CLIP4: variants seen among roughly 807,000 people sequenced by gnomAD.
The protein encoded by CLIP4 is CAP-Gly domain-containing linker protein 4.
CLIP4 carries 47 observed loss-of-function variants against 73.1 expected under a neutral mutation model. The ratio of observed to expected loss-of-function variants is 0.64; its 90% CI spans 0.51 to 0.82. The LOEUF is 0.82. CLIP4 is among the 40% of genes least tolerant of loss of function. The pLI is 0.00. For missense variants in CLIP4, 874 were observed against 852.9 expected, an observed-to-expected ratio of 1.02 and a Z score of -0.31; for synonymous variants, 306 against 295.4, an observed-to-expected ratio of 1.04 and a Z score of -0.37.
At position 29,120,604 on chromosome 2, in the gene CLIP4, C is replaced by T. The variant is rs541358784; in HGVS notation, c.-15-770C>T. 3.9e-5 allele frequency among the ~76,000 whole-genome samples: 6 copies of T among 152,208 alleles called. No homozygotes were observed. The South Asian group carries it at 8.3e-4, about 21-fold the overall frequency. Reference sequence around the variant, plus strand: ...TCATGATACTTCAGATAGTAAAGATCGGATACAAAAGAAACTGGAAGGCTT... The same window carrying T: ...TCATGATACTTCAGATAGTAAAGATTGGATACAAAAGAAACTGGAAGGCTT... On this transcript the variant is annotated intron_variant, in intron 1 of 15. Coordinates refer to ENST00000320081, the MANE Select transcript of CLIP4 (RefSeq NM_024692.6).
At chr2:29,162,476 C>G (rs1323041555) in intron 12 of CLIP4, among the ~76,000 whole-genome samples, 3 of 152,294 alleles carry the variant, frequency 2.0e-5, no homozygotes, top group Non-Finnish European at 2.9e-5. Flanking sequence ...CATACCACAC[C>G]ACTGCCAAAG....
intron 13 of CLIP4, among the ~76,000 whole-genome samples, chr2:29,167,182 AT>A (rs1295434143): frequency 6.6e-6 from 1 of 152,184 alleles, no homozygotes; most frequent in Non-Finnish European, 1.5e-5. Context: ...TTATTTTCAT[AT>A]TTTTTAGTTT....
chr2:29,151,801 TAGCC>T lies in CLIP4; in HGVS notation c.1022-881_1022-878del, dbSNP rs372477156. On this transcript the variant is annotated intron_variant, in intron 8 of 15. Coordinates refer to ENST00000320081, the MANE Select transcript of CLIP4 (RefSeq NM_024692.6). ...CTTTATTTTCACTTTTTAAATATCT[TAGCC>T]AGATTATTTCGGTATTTATAGTCTG... Among the ~76,000 whole-genome samples, 826 of 152,324 alleles carry T rather than the reference TAGCC, an allele frequency of 5.4e-3. 6 individuals are homozygous for T. The highest frequency in any genetic ancestry group is 0.014 in the South Asian group (68 of 4,818).
At chr2:29,121,656 A>G (rs1664256082) in intron 2 of CLIP4, 135 bp downstream of exon 2, 2 of 969,940 alleles carry the variant, frequency 2.1e-6, no homozygotes, top group African/African-American at 1.7e-5. Context: ...CCTTTTTCAA[A>G]AATACAATTG....
At chr2:29,138,650 G>A (rs1169691894) in intron 6 of CLIP4, among the ~76,000 whole-genome samples, 1 of 151,998 alleles carries the variant, frequency 6.6e-6, no homozygotes, top group Non-Finnish European at 1.5e-5. Flanking sequence ...AGCATGGAGT[G>A]TTTTTCCATT....
At chr2:29,171,571 T>G (rs547711643) in intron 14 of CLIP4, among the ~76,000 whole-genome samples, 1 of 150,634 alleles carries the variant, frequency 6.6e-6, no homozygotes, top group East Asian at 1.9e-4. Flanking sequence ...CAGGCTGGAG[T>G]GCAGTGGCAC....
rs1358192833 is a variant in CLIP4, at chr2:29,181,856, G to C, written c.2081G>C (p.Gly694Ala). ...LVRPSRVTYR[G>A]INGSKLVDEN... The stretch of plus-strand genomic sequence containing the variant: ...CGACCGAGCAGAGTGACCTATCGGG[G>C]AATTAATGGGTCAAAACTTGTGGAT... The change falls in exon 16 of 16, where the codon GGA (glycine) becomes GCA (alanine). Residue 694 changes from glycine (G) to alanine (A), a missense_variant. Coordinates refer to ENST00000320081, the MANE Select transcript of CLIP4 (RefSeq NM_024692.6). The C allele has an allele frequency of 6.2e-7, 1 of 1,613,016 alleles. No homozygotes were observed. The highest frequency in any genetic ancestry group is 2.2e-5 in the East Asian group (1 of 44,856).
At chr2:29,165,329 T>C (rs1433853682) in intron 13 of CLIP4, among the ~76,000 whole-genome samples, 1 of 152,130 alleles carries the variant, frequency 6.6e-6, no homozygotes, top group Non-Finnish European at 1.5e-5. Context: ...TGCTTATACA[T>C]GCTGGGGTCT....
intron 14 of CLIP4, among the ~76,000 whole-genome samples, chr2:29,169,329 C>CTGTGTGTG (rs70958249): frequency 1.4e-5 from 2 of 140,322 alleles, no homozygotes; most frequent in African/African-American, 5.3e-5. Flanking sequence ...GTCTTTTTCA[C>CTGTGTGTG]TGTGTGTGTG....
chr2:29,130,243 C>G, intron 2 of CLIP4, among the ~76,000 whole-genome samples: 1 of 152,072 alleles, frequency 6.6e-6, no homozygotes, highest in Non-Finnish European at 1.5e-5. Context: ...CTTCTGACAT[C>G]AAAAACTGTC....
intron 6 of CLIP4, among the ~76,000 whole-genome samples, chr2:29,142,299 A>G (rs1042145514): frequency 3.3e-5 from 5 of 151,084 alleles, no homozygotes; most frequent in African/African-American, 1.2e-4. Context: ...TATTCTTACT[A>G]TTATTTAGGT....
At chr2:29,177,880 C>G (rs1315440413) in intron 15 of CLIP4, among the ~76,000 whole-genome samples, 3 of 152,194 alleles carry the variant, frequency 2.0e-5, no homozygotes, top group African/African-American at 4.8e-5. Flanking sequence ...CTCAAACATA[C>G]CATAATTCTA....
intron 3 of CLIP4, 153 bp from the exon 4 acceptor site, chr2:29,131,997 TAA>T (rs1665003114): frequency 1.5e-5 from 8 of 542,506 alleles, no homozygotes; most frequent in Middle Eastern, 4.7e-4. Flanking sequence ...AGTACAGATT[TAA>T]AAATTTACCC....
intron 6 of CLIP4, among the ~76,000 whole-genome samples, chr2:29,142,241 A>G (rs1360858387): frequency 1.3e-5 from 2 of 152,026 alleles, no homozygotes; most frequent in Non-Finnish European, 2.9e-5. Flanking sequence ...ACAATTGATC[A>G]TGAATAAGCC....
chr2:29,102,447 G>A lies in CLIP4; in HGVS notation c.-16+4500G>A, dbSNP rs374212188. On this transcript the variant is annotated intron_variant, in intron 1 of 14. Coordinates refer to the CLIP4 transcript ENST00000401605. Reference sequence around the variant, plus strand: ...TTGTTTCTTTGCCCCCACTCCTACTGTTGCCACCTGAGTTCAGGTTGCCCA... The same window carrying A: ...TTGTTTCTTTGCCCCCACTCCTACTATTGCCACCTGAGTTCAGGTTGCCCA... Among the ~76,000 whole-genome samples, 5 of 151,920 alleles carry A rather than the reference G, an allele frequency of 3.3e-5. No homozygotes were observed. The East Asian group carries it at 7.7e-4, about 23-fold the overall frequency.
At position 29,107,368 on chromosome 2, in the gene CLIP4, T is replaced by TTTTTTTGTTTTTTTTTTTTTTG. The variant is rs1558504957; in HGVS notation, c.-16+9427_-16+9428insGTTTTTTTTTTTTTTGTTTTTT. Among the ~76,000 whole-genome samples, 174 of 76,612 alleles carry TTTTTTTGTTTTTTTTTTTTTTG rather than the reference T, an allele frequency of 2.3e-3. 3 individuals carry two copies. Among genetic ancestry groups the TTTTTTTGTTTTTTTTTTTTTTG allele is most frequent in the African/African-American group, 9.0e-3 (163 of 18,156 alleles). The allele number at this position is 76,612 out of a possible 152,430, so 50.3% of individuals were successfully genotyped here. A position where few individuals can be genotyped will look rare whatever the true frequency, so the allele number is the denominator to read the frequency against. On this transcript the variant is annotated intron_variant, in intron 1 of 14. Transcript: ENST00000401605. The stretch of plus-strand genomic sequence containing the variant: ...TCCTGGAACATGATAGTTTTTTTTT[T>TTTTTTTGTTTTTTTTTTTTTTG]TTTTTTTTTTTTTTTTTTTTTGAGA...
intron 1 of CLIP4, among the ~76,000 whole-genome samples, chr2:29,108,021 T>C (rs1341240825): frequency 6.6e-6 from 1 of 152,198 alleles, no homozygotes. Context: ...CTTTCTATTA[T>C]GGAAAACATT....
intron 11 of CLIP4, 131 bp from the exon 12 acceptor site, chr2:29,160,202 A>C: frequency 8.9e-7 from 1 of 1,119,012 alleles, no homozygotes; most frequent in African/African-American, 1.5e-5. Flanking sequence ...AGATATCAAA[A>C]TCACCAACTA....
intron 1 of CLIP4, among the ~76,000 whole-genome samples, chr2:29,110,339 T>A (rs936914903): frequency 2.6e-5 from 4 of 152,140 alleles, no homozygotes; most frequent in African/African-American, 4.8e-5. Context: ...CAGTAGGAGG[T>A]TCCTGGGGTC....
Sources: gnomAD v4.1 joint callset for allele counts (sites outside exome capture counted in the v4.1 genomes callset) on GRCh38, gnomAD v4.1.1 for gene constraint, MANE v1.5 for transcripts, NCBI Gene and HGNC (gene_info 2026-07-23, HGNC 2026-07-21) for gene names.